Variants in SIGLEC1 observed in about 807,000 individuals in gnomAD.
The protein encoded by SIGLEC1 is sialic acid binding Ig like lectin 1.
In SIGLEC1, 132 loss-of-function variants were observed where a neutral mutation model predicts 148.0. The observed-to-expected ratio is 0.89, with a 90% CI of 0.77 to 1.03. The LOEUF is 1.03. SIGLEC1 is among the 50% of genes least tolerant of loss of function. The pLI, the probability that SIGLEC1 is intolerant of heterozygous loss-of-function variation, is 0.00. For missense variants in SIGLEC1, 2,253 were observed against 2,271.4 expected (o/e 0.99, Z 0.16); for synonymous variants, 945 against 969.0 (o/e 0.98, Z 0.46).
intron 13 of SIGLEC1, 107 bp downstream of exon 13, chr20:3,694,114 G>A (rs1372273583): frequency 8.2e-7 from 1 of 1,225,198 alleles, no homozygotes. Flanking sequence ...TGGGAATGGG[G>A]ACTATTCCCG....
chr20:3,696,495 G>T, intron 11 of SIGLEC1, 91 bp downstream of exon 11: 1 of 1,302,572 alleles, frequency 7.7e-7, no homozygotes, highest in Non-Finnish European at 1.0e-6. Context: ...ACATATTTCT[G>T]CACAAAATTC....
At position 3,694,855 on chromosome 20, in the gene SIGLEC1, C is replaced by A; in HGVS notation, c.2752G>T (p.Val918Leu). The change falls in exon 12 of 22, where the codon GTA becomes TTA. Residue 918 changes from valine (V) to leucine (L), a missense_variant. Coordinates refer to ENST00000344754, the MANE Select transcript of SIGLEC1 (RefSeq NM_023068.4). ...GTCCCCTCTGGGACTCCTGTGTGTA[C>A]CTGGCAGCTCAGGACCACAGCCTGG... ...EGQAVVLSCQ[V>L]HTGVPEGTSY... The A allele has an allele frequency of 6.2e-7, 1 of 1,613,394 alleles. No individual in the cohort carries two copies.
At chr20:3,689,924 T>G in intron 19 of SIGLEC1, 38 bp downstream of exon 19, 1 of 1,556,716 alleles carries the variant, frequency 6.4e-7, no homozygotes, top group Non-Finnish European at 8.8e-7. Context: ...TGGGCTTTTG[T>G]GCAGAGTGGC....
chr20:3,693,183 GC>G, intron 14 of SIGLEC1, 52 bp from the exon 15 acceptor site: 1 of 1,500,030 alleles, frequency 6.7e-7, no homozygotes, highest in Non-Finnish European at 8.8e-7. Flanking sequence ...CCTGCAGGAG[GC>G]CAGTTTGCAG....
At chr20:3,702,574 T>G (rs1254781556) in intron 6 of SIGLEC1, among the ~76,000 whole-genome samples, 1 of 141,054 alleles carries the variant, frequency 7.1e-6, no homozygotes, top group African/African-American at 2.7e-5. Flanking sequence ...GGCAACACAG[T>G]GAGACTCCAT....
chr20:3,704,163 C>T, intron 4 of SIGLEC1, 72 bp from the exon 5 acceptor site: 1 of 1,438,576 alleles, frequency 7.0e-7, no homozygotes, highest in African/African-American at 1.4e-5. Flanking sequence ...TCTTCTTGCC[C>T]CCCTTTAAAA....
intron 8 of SIGLEC1, 35 bp from the exon 9 acceptor site, chr20:3,698,168 G>C: frequency 6.6e-7 from 1 of 1,510,434 alleles, no homozygotes; most frequent in Non-Finnish European, 8.9e-7. Context: ...CTCATCCCAC[G>C]GATGCTCCAG....
At chr20:3,706,999 C>T in intron 2 of SIGLEC1, 81 bp downstream of exon 2, 6 of 1,441,514 alleles carry the variant, frequency 4.2e-6, no homozygotes, top group Non-Finnish European at 5.9e-6. Flanking sequence ...AACATGTGAC[C>T]CAGGCATAGT....
At position 3,691,586 on chromosome 20, in the gene SIGLEC1, C is replaced by G; in HGVS notation, c.4345G>C (p.Ala1449Pro). 2 of 1,612,276 alleles carry G rather than the reference C, an allele frequency of 1.2e-6. No individual in the cohort carries two copies. The highest frequency in any genetic ancestry group is 1.7e-6 in the Non-Finnish European group (2 of 1,179,646). The change falls in exon 18 of 22, where the codon GCA (alanine) becomes CCA (proline). Residue 1449 changes from alanine to proline, a missense_variant. Ala to Pro is a conservative substitution (Grantham distance 27). Coordinates refer to ENST00000344754, the MANE Select transcript of SIGLEC1 (RefSeq NM_023068.4). ...RLQVEGARVV[A>P]EPGLDVPEGA... ...TCAGGCACGTCCAGGCCAGGCTCTGCCACCACGCGTGCACCTGCGGGCGGA... is the reference window on the plus strand; with the variant it reads ...TCAGGCACGTCCAGGCCAGGCTCTGGCACCACGCGTGCACCTGCGGGCGGA...
At chr20:3,688,809 T>C (rs1000133926) in intron 21 of SIGLEC1, 190 bp from the exon 22 acceptor site, 7 of 601,568 alleles carry the variant, frequency 1.2e-5, no homozygotes, top group Non-Finnish European at 2.1e-5. Context: ...AGAAACTGAC[T>C]TTCACTTCTG....
chr20:3,700,020 C>T (rs1600286457), intron 7 of SIGLEC1, among the ~76,000 whole-genome samples: 1 of 148,740 alleles, frequency 6.7e-6, no homozygotes, highest in East Asian at 2.0e-4. Flanking sequence ...GTTAGCCAGG[C>T]AGATCTCGAA....
rs2087866589 is a variant in SIGLEC1, at chr20:3,703,316, G to A, written c.1109C>T (p.Ala370Val). Residue 370 changes from alanine to valine, a missense_variant, in exon 6 of 22, where the codon GCC (alanine) becomes GTC (valine). Physicochemically the swap from Ala to Val is moderately conservative, Grantham distance 64 (BLOSUM62 0). Coordinates refer to ENST00000344754, the MANE Select transcript of SIGLEC1 (RefSeq NM_023068.4). ...GTGCAGCCGGAGGGTATGGGAGTGG[G>A]CATCCTCCAGCAGGACATGGTTCTT... ...WYKNHVLLED[A>V]HSHTLRLHLA... 6.2e-7 allele frequency: 1 copy of A among 1,614,128 alleles called. No individual in the cohort carries two copies. The highest frequency in any genetic ancestry group is 8.5e-7 in the Non-Finnish European group (1 of 1,179,982).
chr20:3,710,000 C>A (rs1350011178), intron 1 of SIGLEC1, among the ~76,000 whole-genome samples: 1 of 152,124 alleles, frequency 6.6e-6, no homozygotes, highest in Non-Finnish European at 1.5e-5. Context: ...TGCAAATGTA[C>A]CTAATGTCAT....
intron 14 of SIGLEC1, 150 bp from the exon 15 acceptor site, chr20:3,693,281 A>G (rs1204149072): frequency 8.4e-6 from 10 of 1,194,146 alleles, no homozygotes; most frequent in South Asian, 3.2e-5. Flanking sequence ...CTGCCCAGAC[A>G]GGACTCACCC....
In SIGLEC1 at chr20:3,707,181, G is replaced by A. The variant is rs1420474933; in HGVS notation, c.-53C>T. ...CTAAGAGGGTGGTGCGCACTGCGCT[G>A]GCTGGGCTCACAGGGGCCTCCAGGG... On this transcript the variant is annotated 5_prime_UTR_variant, in exon 2 of 22. Transcript: ENST00000344754. The A allele has an allele frequency of 1.3e-6, 2 of 1,571,614 alleles. No individual in the cohort carries two copies. The highest frequency in any genetic ancestry group is 1.7e-6 in the Non-Finnish European group (2 of 1,143,010).
At position 3,701,339 on chromosome 20, in the gene SIGLEC1, T is replaced by TACC; in HGVS notation, c.1528_1528+2dup. The TACC allele has an allele frequency of 1.2e-6, 2 of 1,603,136 alleles. No homozygotes were observed. Among genetic ancestry groups the TACC allele is most frequent in the Non-Finnish European group, 1.7e-6 (2 of 1,173,536 alleles). The stretch of plus-strand genomic sequence containing the variant: ...TCTCCCTGGCTGCCAGTGCCCATCT[T>TACC]ACCATTGGCATGGAAGTCCAGGGTG... On this transcript the variant is annotated splice_region_variant and intron_variant, in intron 7 of 21. Coordinates refer to ENST00000344754, the MANE Select transcript of SIGLEC1 (RefSeq NM_023068.4).
At chr20:3,691,142 T>C (rs59587478) in intron 18 of SIGLEC1, among the ~76,000 whole-genome samples, 198 bp downstream of exon 18, 376 of 152,300 alleles carry the variant, frequency 2.5e-3, no homozygotes, top group African/African-American at 4.2e-3. Context: ...TTATTTCTTA[T>C]ACAACTTGCA....
In SIGLEC1 at chr20:3,690,069, AG is replaced by A; in HGVS notation, c.4786del (p.Leu1596Ter). Reference protein sequence around the residue: ...HIHVLASPNALRVDIEALRPS... With the variant: ...HIHVLASPNAXRVDIEALRPS... ...CCTCAGCGCCTCGATGTCCACCCTC[AG>A]GGCATTGGGGGAAGCCAGGACATGG... On this transcript the variant is annotated frameshift_variant, in exon 19 of 22. Coordinates refer to ENST00000344754, the MANE Select transcript of SIGLEC1 (RefSeq NM_023068.4). LOFTEE classifies it high-confidence loss of function. The A allele has an allele frequency of 1.9e-6, 3 of 1,612,146 alleles. No homozygotes were observed. Among genetic ancestry groups the A allele is most frequent in the Non-Finnish European group, 2.5e-6 (3 of 1,179,476 alleles).
In SIGLEC1 at chr20:3,689,238, C is replaced by G; in HGVS notation, c.4998-11G>C. The G allele has an allele frequency of 2.5e-6, 4 of 1,612,962 alleles. No homozygotes were observed. Among genetic ancestry groups the G allele is most frequent in the Non-Finnish European group, 3.4e-6 (4 of 1,178,964 alleles). On this transcript the variant is annotated splice_polypyrimidine_tract_variant and intron_variant, in intron 20 of 21. Transcript: ENST00000344754. ...CAAACACGCCTCCTTCTGCAAGGCC[C>G]GGAGTGGACTCAGAGAGCCTCTCCC...
Sources: gnomAD v4.1 joint callset for allele counts (sites outside exome capture counted in the v4.1 genomes callset) on GRCh38, gnomAD v4.1.1 for gene constraint, MANE v1.5 for transcripts, NCBI Gene and HGNC (gene_info 2026-07-23, HGNC 2026-07-21) for gene names.